The following OPA1 variants were observed in gnomAD, a reference collection of about 807,000 sequenced individuals.
OPA1 encodes dynamin-like GTPase OPA1, mitochondrial.
A neutral mutation model predicts 152.9 loss-of-function variants in OPA1; 59 were observed. That is an observed-to-expected ratio of 0.39 (90% CI 0.31 to 0.48). The LOEUF (loss-of-function observed/expected upper bound fraction) is 0.48. Ranked by LOEUF, OPA1 falls within the 20% of genes least tolerant of loss-of-function variation. OPA1 has a pLI of 0.96. For synonymous variants in OPA1, 400 were observed against 389.9 expected (o/e 1.03, Z -0.31); for missense variants, 1,008 against 1,216.8 (o/e 0.83, Z 2.55).
rs943687513 is a variant in OPA1 at position 193,694,823 on chromosome 3, G to A, written c.*223G>A. On this transcript the variant is annotated 3_prime_UTR_variant, in exon 31 of 31. Transcript: ENST00000361510. The stretch of plus-strand genomic sequence containing the variant: ...TAACATCCTATTTTGTTGTACTAAA[G>A]TGACAAATCGGAATAATATAATTGG... The A allele has an allele frequency of 6.6e-5, 10 of 152,290 alleles. No homozygotes were observed. Among genetic ancestry groups the A allele is most frequent in the Admixed American group, 5.9e-4 (9 of 15,300 alleles). 9.4% of individuals were successfully genotyped at this position (152,290 alleles called of 1,614,324 possible). A position where few individuals can be genotyped will look rare whatever the true frequency, so the allele number is the denominator to read the frequency against.
intron 1 of OPA1, among the ~76,000 whole-genome samples, chr3:193,611,596 CAAAAAAA>C (rs35159597): frequency 7.3e-5 from 5 of 68,786 alleles, no homozygotes; most frequent in East Asian, 8.3e-4. Flanking sequence ...GACTCCACCT[CAAAAAAA>C]AAAAAAAAAA....
At chr3:193,652,153 G>A (rs1712641448) in intron 21 of OPA1, among the ~76,000 whole-genome samples, 1 of 152,122 alleles carries the variant, frequency 6.6e-6, no homozygotes, top group Admixed American at 6.5e-5. Context: ...GGCCCCTATG[G>A]TCGGATCACT....
At chr3:193,666,149 G>T (rs886366036) in intron 27 of OPA1, 147 bp from the exon 28 acceptor site, 4 of 710,044 alleles carry the variant, frequency 5.6e-6, no homozygotes, top group Non-Finnish European at 7.4e-6. Context: ...GGATTCTGTA[G>T]CTTATATCTA....
chr3:193,633,549 T>C (rs1264462252), intron 8 of OPA1, among the ~76,000 whole-genome samples: 1 of 152,226 alleles, frequency 6.6e-6, no homozygotes, highest in East Asian at 1.9e-4. Context: ...TGATAGACTG[T>C]ATTATGGAGA....
At chr3:193,681,071 T>C (rs1720052559) in intron 29 of OPA1, among the ~76,000 whole-genome samples, 1 of 152,236 alleles carries the variant, frequency 6.6e-6, no homozygotes, top group Non-Finnish European at 1.5e-5. Context: ...CTTTTACTTC[T>C]GTTGCTGAAA....
In OPA1 at chr3:193,662,893, T is replaced by G. The variant is rs145999595; in HGVS notation, c.2592T>G (p.Leu864=). 8 of 1,613,614 alleles carry G rather than the reference T, an allele frequency of 5.0e-6. No homozygotes were observed. In the Middle Eastern group the frequency reaches 8.2e-4, roughly 166 times the overall value. The change falls in exon 26 of 31, where the codon CTT becomes CTG. Residue 864 remains leucine, a synonymous_variant. Transcript: ENST00000361510. ...GTAATGAGGAGCACCCAGCTTATCT[T>G]GCAAGTGATGAAATAACCACAGTCC... ...LKCNEEHPAY[L]ASDEITTVRK...
chr3:193,660,082 G>A (rs557912522), intron 25 of OPA1, among the ~76,000 whole-genome samples: 8 of 152,228 alleles, frequency 5.3e-5, no homozygotes, highest in African/African-American at 1.4e-4. Flanking sequence ...CTGGGAGATC[G>A]AAGCTGCAGG....
Position 193,659,589 on chromosome 3 carries a change from T to A in OPA1, c.2520+28T>A, listed in dbSNP as rs376640992. 19 of 1,569,796 alleles carry A rather than the reference T, an allele frequency of 1.2e-5. No homozygotes were observed. In the Admixed American group the frequency reaches 3.0e-4, roughly 25 times the overall value. ...AGAAATAAACAAGTCTCTAGTCTTA[T>A]GATGATATAATTTTGTTCATTTTAA... On this transcript the variant is annotated intron_variant, in intron 25 of 30. Transcript: ENST00000361510.
chr3:193,657,922 G>T (rs1443059973), intron 23 of OPA1, among the ~76,000 whole-genome samples: 3 of 152,148 alleles, frequency 2.0e-5, no homozygotes, highest in African/African-American at 7.2e-5. Flanking sequence ...TGCAGAGCTG[G>T]TTGTAATTAT....
At chr3:193,664,761 C>A in intron 26 of OPA1, 119 bp from the exon 27 acceptor site, 1 of 679,602 alleles carries the variant, frequency 1.5e-6, no homozygotes, top group Non-Finnish European at 2.6e-6. Flanking sequence ...TAAAGAATAA[C>A]CTTGCTTTTG....
intron 3 of OPA1, among the ~76,000 whole-genome samples, chr3:193,616,621 A>T (rs2108873565): frequency 6.6e-6 from 1 of 152,256 alleles, no homozygotes; most frequent in Non-Finnish European, 1.5e-5. Flanking sequence ...TATCCAGGGT[A>T]ATTTCTTTTC....
intron 29 of OPA1, among the ~76,000 whole-genome samples, chr3:193,683,979 C>T (rs887820170): frequency 6.6e-6 from 1 of 152,152 alleles, no homozygotes; most frequent in African/African-American, 2.4e-5. Flanking sequence ...CCCTCAGTTT[C>T]CTGGTGGCTG....
chr3:193,655,127 T>C, intron 22 of OPA1, 100 bp downstream of exon 22: 1 of 1,068,950 alleles, frequency 9.4e-7, no homozygotes, highest in Non-Finnish European at 1.4e-6. Context: ...CTATCTTTCT[T>C]TTAGGTCTTT....
intron 29 of OPA1, among the ~76,000 whole-genome samples, chr3:193,682,642 A>G (rs1452741269): frequency 1.3e-5 from 2 of 152,200 alleles, no homozygotes; most frequent in Admixed American, 6.5e-5. Flanking sequence ...GCCCTTAAGG[A>G]TTATGCTAAG....
intron 23 of OPA1, 125 bp from the exon 24 acceptor site, chr3:193,658,762 A>G (rs1041753687): frequency 2.9e-6 from 2 of 696,266 alleles, no homozygotes; most frequent in Non-Finnish European, 2.6e-6. Flanking sequence ...TAGGAAGGAT[A>G]TATTTTTATG....
chr3:193,670,466 A>G (rs993702422), intron 29 of OPA1, among the ~76,000 whole-genome samples: 17 of 151,500 alleles, frequency 1.1e-4, no homozygotes, highest in African/African-American at 4.1e-4. Flanking sequence ...GCTCACTGCA[A>G]GGTGGTTCTC....
At chr3:193,667,091 A>G (rs923901073) in intron 28 of OPA1, 79 bp from the exon 29 acceptor site, 4 of 747,598 alleles carry the variant, frequency 5.4e-6, no homozygotes, top group African/African-American at 5.3e-5. Context: ...TTTACTCTCC[A>G]TATATATAGG....
Position 193,593,489 on chromosome 3 carries a change from T to A in OPA1, c.32+80T>A, listed in dbSNP as rs372866444. On this transcript the variant is annotated intron_variant, in intron 1 of 30. Coordinates refer to ENST00000361510, the MANE Select transcript of OPA1 (RefSeq NM_130837.3). ...GCTGTCTTATCTCTATCTCCAAAAA[T>A]GTGCAGGTGACTCTCAGGCCAGGCC... 2.2e-6 allele frequency: 3 copies of A among 1,358,610 alleles called. No homozygotes were observed. In the East Asian group the frequency reaches 8.7e-5, roughly 39 times the overall value. The allele number at this position is 1,358,610 out of a possible 1,614,324, so 84.2% of individuals were successfully genotyped here.
chr3:193,679,760 A>G (rs1719829010), intron 29 of OPA1, among the ~76,000 whole-genome samples: 1 of 152,184 alleles, frequency 6.6e-6, no homozygotes, highest in Non-Finnish European at 1.5e-5. Context: ...AAAGAGGTAC[A>G]TAATGTTTTC....
Sources: gnomAD v4.1 joint callset for allele counts (sites outside exome capture counted in the v4.1 genomes callset) on GRCh38, gnomAD v4.1.1 for gene constraint, MANE v1.5 for transcripts, NCBI Gene and HGNC (gene_info 2026-07-23, HGNC 2026-07-21) for gene names.